MCTP1: variants seen among roughly 807,000 people sequenced by gnomAD.
The protein encoded by MCTP1 is multiple C2 and transmembrane domain containing 1, also known as multiple C2 and transmembrane domain-containing protein 1.
Under a neutral mutation model 120.6 loss-of-function variants are expected in MCTP1, and 69 were observed. The ratio of observed to expected loss-of-function variants is 0.57; its 90% confidence interval spans 0.47 to 0.70. The LOEUF (loss-of-function observed/expected upper bound fraction) is 0.70, where lower values mean the gene tolerates loss of function less well. Among genes scored for constraint, MCTP1 ranks in the 30% least tolerant of loss-of-function variants. The pLI is 0.00. For synonymous variants in MCTP1, 529 were observed against 493.1 expected (o/e 1.07, Z -0.96); for missense variants, 1,203 against 1,248.8 (o/e 0.96, Z 0.55).
rs139734500 is a variant in MCTP1, at chr5:95,056,864, T to TAC, written c.721-39382_721-39381dup. 9.3e-3 allele frequency among the ~76,000 whole-genome samples: 1,403 copies of TAC among 151,436 alleles called. 29 individuals carry two copies. Among genetic ancestry groups the TAC allele is most frequent in the African/African-American group, 0.031 (1,268 of 41,364 alleles). On this transcript the variant is annotated intron_variant, in intron 1 of 22. Transcript: ENST00000515393. Reference sequence around the variant, plus strand: ...AAAAGAATGAACTCCTTCATCCCAATACACACACACACACAAACACACGCA... The same window carrying TAC: ...AAAAGAATGAACTCCTTCATCCCAATACACACACACACACACAAACACACGCA...
At chr5:95,185,651 G>C (rs530971623) in intron 1 of MCTP1, among the ~76,000 whole-genome samples, 1 of 151,786 alleles carries the variant, frequency 6.6e-6, no homozygotes, top group Non-Finnish European at 1.5e-5. Flanking sequence ...GCATGGCAGC[G>C]CATGCCTGTA....
At chr5:95,037,638 G>A (rs890600746) in intron 1 of MCTP1, among the ~76,000 whole-genome samples, 1 of 152,190 alleles carries the variant, frequency 6.6e-6, no homozygotes, top group African/African-American at 2.4e-5. Flanking sequence ...GGCCAAGGCA[G>A]GTGGATCACT....
At chr5:95,167,685 C>G (rs796273092) in intron 1 of MCTP1, among the ~76,000 whole-genome samples, 1 of 152,140 alleles carries the variant, frequency 6.6e-6, no homozygotes, top group Non-Finnish European at 1.5e-5. Context: ...TTTCATGTGT[C>G]TTTTGGCTAC....
rs1038665158 is a variant in MCTP1 at position 95,196,070 on chromosome 5, T to C, written c.720+87786A>G. Among the ~76,000 whole-genome samples, 6 of 152,328 alleles carry C rather than the reference T, an allele frequency of 3.9e-5. No individual in the cohort carries two copies. In the South Asian group the frequency reaches 8.3e-4, roughly 21 times the overall value. On this transcript the variant is annotated intron_variant, in intron 1 of 22. Coordinates refer to ENST00000515393, the MANE Select transcript of MCTP1 (RefSeq NM_024717.7). Reference sequence around the variant, plus strand: ...TAGTATGCCAGCTCATTCCTGGATATGTTTATCGCTACTAGGAGCAAATGC... The same window carrying C: ...TAGTATGCCAGCTCATTCCTGGATACGTTTATCGCTACTAGGAGCAAATGC...
chr5:95,056,226 T>A (rs1477113399), intron 1 of MCTP1, among the ~76,000 whole-genome samples: 1 of 152,220 alleles, frequency 6.6e-6, no homozygotes, highest in African/African-American at 2.4e-5. Context: ...TCTTAATACA[T>A]CCACTTGAAG....
At chr5:95,260,230 C>T (rs1452838836) in intron 1 of MCTP1, among the ~76,000 whole-genome samples, 1 of 152,152 alleles carries the variant, frequency 6.6e-6, no homozygotes, top group African/African-American at 2.4e-5. Context: ...ATGACACAAA[C>T]GATGGTCACC....
intron 17 of MCTP1, among the ~76,000 whole-genome samples, chr5:94,832,119 G>A (rs35448590): frequency 0.076 from 11,614 of 152,120 alleles, 562 homozygotes; most frequent in East Asian, 0.26. Flanking sequence ...CAGTTTCTGT[G>A]GTATCCTTAA....
intron 1 of MCTP1, among the ~76,000 whole-genome samples, chr5:95,262,776 C>A (rs1418380801): frequency 6.6e-6 from 1 of 152,142 alleles, no homozygotes; most frequent in East Asian, 1.9e-4. Flanking sequence ...AATATCAAAA[C>A]TCTTCAATAA....
intron 17 of MCTP1, among the ~76,000 whole-genome samples, chr5:94,811,628 G>A (rs1783430687): frequency 6.6e-6 from 1 of 152,216 alleles, no homozygotes. Flanking sequence ...TGGAGCAAGG[G>A]AAGCATGCGT....
intron 10 of MCTP1, among the ~76,000 whole-genome samples, chr5:94,903,506 T>C (rs1008968934): frequency 2.0e-5 from 3 of 152,238 alleles, no homozygotes; most frequent in South Asian, 2.1e-4. Context: ...GAGAGAGCCA[T>C]AGATTTATTT....
intron 1 of MCTP1, among the ~76,000 whole-genome samples, chr5:95,201,220 T>C (rs147273655): frequency 5.6e-4 from 86 of 152,312 alleles, no homozygotes; most frequent in African/African-American, 2.0e-3. Flanking sequence ...AGTGTGGTTC[T>C]AGGACAAGCA....
At chr5:94,915,883 C>T (rs555009103) in intron 8 of MCTP1, among the ~76,000 whole-genome samples, 93 of 152,164 alleles carry the variant, frequency 6.1e-4, no homozygotes, top group Admixed American at 4.8e-3. Context: ...CTGTGAAATG[C>T]TTTTCTATAA....
At chr5:95,172,415 C>A (rs2152499178) in intron 1 of MCTP1, among the ~76,000 whole-genome samples, 1 of 152,292 alleles carries the variant, frequency 6.6e-6, no homozygotes, top group South Asian at 2.1e-4. Flanking sequence ...GCTGGGAGAA[C>A]CACTACTCTC....
intron 2 of MCTP1, among the ~76,000 whole-genome samples, chr5:94,954,464 G>A (rs1315026597): frequency 1.3e-5 from 2 of 151,872 alleles, no homozygotes; most frequent in African/African-American, 4.8e-5. Context: ...CAATGTATAC[G>A]ACTTGGGTGA....
chr5:95,039,336 T>C (rs1272920825), intron 1 of MCTP1, among the ~76,000 whole-genome samples: 3 of 152,212 alleles, frequency 2.0e-5, no homozygotes, highest in Non-Finnish European at 2.9e-5. Context: ...GGGATAAATA[T>C]TGACATTTCT....
chr5:94,966,980 C>T (rs912928141), intron 2 of MCTP1, among the ~76,000 whole-genome samples: 17 of 152,114 alleles, frequency 1.1e-4, no homozygotes, highest in Non-Finnish European at 1.9e-4. Flanking sequence ...TTACAAAAAA[C>T]GCACTCGCAC....
intron 4 of MCTP1, 26 bp from the exon 5 acceptor site, chr5:94,940,221 G>T: frequency 7.1e-7 from 1 of 1,399,604 alleles, no homozygotes; most frequent in South Asian, 1.3e-5. Context: ...TTTAGATTTT[G>T]AACAGTCATT....
intron 19 of MCTP1, among the ~76,000 whole-genome samples, chr5:94,747,639 C>A (rs1304788669): frequency 6.6e-6 from 1 of 151,758 alleles, no homozygotes; most frequent in Non-Finnish European, 1.5e-5. Flanking sequence ...CTGTTCTAGC[C>A]CAAATAATCC....
At chr5:95,229,075 A>G (rs1754625051) in intron 1 of MCTP1, among the ~76,000 whole-genome samples, 1 of 152,224 alleles carries the variant, frequency 6.6e-6, no homozygotes, top group Non-Finnish European at 1.5e-5. Flanking sequence ...GCTTTAATAA[A>G]TGAAAGCCAA....
Sources: allele counts gnomAD v4.1 joint callset (sites outside exome capture counted in the v4.1 genomes callset), GRCh38; gene constraint gnomAD v4.1.1; transcripts MANE v1.5; gene names NCBI Gene and HGNC (gene_info 2026-07-23, HGNC 2026-07-21).